NLRP4: variants seen among roughly 807,000 people sequenced by gnomAD.
NLRP4 encodes NACHT, LRR and PYD domains-containing protein 4.
Under a neutral mutation model 84.7 loss-of-function variants are expected in NLRP4, and 44 were observed. The ratio of observed to expected loss-of-function variants is 0.52; its 90% confidence interval spans 0.41 to 0.67. The LOEUF is 0.67. Among genes scored for constraint, NLRP4 ranks in the 30% least tolerant of loss-of-function variants. The pLI is 0.00. For synonymous variants in NLRP4, 544 were observed against 476.4 expected (o/e 1.14, Z -1.85); for missense variants, 1,260 against 1,219.4 (o/e 1.03, Z -0.50).
intron 3 of NLRP4, 148 bp from the exon 4 acceptor site, chr19:55,861,238 C>G (rs749055437): frequency 3.1e-6 from 2 of 645,570 alleles, no homozygotes; most frequent in Admixed American, 6.0e-5. Context: ...CATAAGGTGA[C>G]TTACCTGAAG....
chr19:55,856,404 T>G (rs1984414727), intron 2 of NLRP4, among the ~76,000 whole-genome samples: 1 of 151,986 alleles, frequency 6.6e-6, no homozygotes, highest in South Asian at 2.1e-4. Context: ...CCCTTCCCCT[T>G]CCAGTGTCAT....
intron 2 of NLRP4, among the ~76,000 whole-genome samples, chr19:55,852,787 G>T (rs943739456): frequency 6.6e-6 from 1 of 152,072 alleles, no homozygotes; most frequent in African/African-American, 2.4e-5. Flanking sequence ...TGAAAATATT[G>T]TCCTTGTAGG....
chr19:55,867,916 G>A (rs1985025052), intron 6 of NLRP4, 40 bp downstream of exon 6: 1 of 1,591,652 alleles, frequency 6.3e-7, no homozygotes, highest in Non-Finnish European at 8.6e-7. Context: ...GAGGGCCATG[G>A]CGGCAGTTCA....
chr19:55,872,063 T>C (rs1460318026), intron 7 of NLRP4, among the ~76,000 whole-genome samples: 1 of 152,026 alleles, frequency 6.6e-6, no homozygotes, highest in Non-Finnish European at 1.5e-5. Flanking sequence ...CTAGCCAGGA[T>C]GGTCTCAATC....
rs1568658479 is a variant in NLRP4 at position 55,850,054 on chromosome 19, GCTGCGGTGGAATTTCCGAGA to G, written c.-65-1953_-65-1934del. ...CCGAGACTGCGGTGTGATTTCCGTAGCTGCGGTGGAATTTCCGAGACTGCGGTGTAATTTCCGTGGCTGCG... is the reference window on the plus strand; with the variant it reads ...CCGAGACTGCGGTGTGATTTCCGTAGCTGCGGTGTAATTTCCGTGGCTGCG... On this transcript the variant is annotated intron_variant, in intron 1 of 9. Transcript: ENST00000301295. 4.6e-4 allele frequency among the ~76,000 whole-genome samples: 50 copies of G among 107,744 alleles called. 1 individual carries two copies. Among genetic ancestry groups the G allele is most frequent in the Admixed American group, 7.2e-4 (9 of 12,464 alleles). The allele number at this position is 107,744 out of a possible 152,430, so 70.7% of individuals were successfully genotyped here. A position where few individuals can be genotyped will look rare whatever the true frequency, so the allele number is the denominator to read the frequency against.
At chr19:55,865,320 ACT>A (rs1227314838) in intron 5 of NLRP4, among the ~76,000 whole-genome samples, 4 of 151,882 alleles carry the variant, frequency 2.6e-5, no homozygotes. Context: ...ACATCATCTT[ACT>A]CTTTTTTATG....
intron 5 of NLRP4, among the ~76,000 whole-genome samples, chr19:55,867,135 G>A (rs767467184): frequency 1.3e-5 from 2 of 150,974 alleles, no homozygotes; most frequent in African/African-American, 4.9e-5. Flanking sequence ...GTGCATCTCA[G>A]GTTGGCTGTC....
intron 1 of NLRP4, among the ~76,000 whole-genome samples, chr19:55,838,443 C>G (rs1315246791): frequency 1.3e-5 from 2 of 151,916 alleles, no homozygotes; most frequent in Non-Finnish European, 2.9e-5. Flanking sequence ...GAAGGGCTCC[C>G]CTGGGTTTCA....
intron 1 of NLRP4, among the ~76,000 whole-genome samples, chr19:55,846,003 G>T (rs966300024): frequency 1.3e-5 from 2 of 152,098 alleles, no homozygotes; most frequent in African/African-American, 4.8e-5. Context: ...GGTTTCTTTT[G>T]CTGTGCAGAA....
At chr19:55,869,082 G>C (rs1391239096) in intron 6 of NLRP4, among the ~76,000 whole-genome samples, 1 of 152,128 alleles carries the variant, frequency 6.6e-6, no homozygotes, top group African/African-American at 2.4e-5. Flanking sequence ...GTGAGTCCTA[G>C]AATTGTCCCA....
In NLRP4 at chr19:55,851,734, A is replaced by G. The variant is rs561415757; in HGVS notation, c.-65-282A>G. On this transcript the variant is annotated intron_variant, in intron 1 of 9. Coordinates refer to ENST00000301295, the MANE Select transcript of NLRP4 (RefSeq NM_134444.5). ...TCCGAGGCTGCGGTGTAATTTCCGA[A>G]GCTGCGGTGTAATTTCCAAAAATGT... 2.0e-3 allele frequency among the ~76,000 whole-genome samples: 249 copies of G among 126,632 alleles called. 1 individual carries two copies. Among genetic ancestry groups the G allele is most frequent in the African/African-American group, 3.3e-3 (87 of 26,240 alleles). The allele number at this position is 126,632 out of a possible 152,430, so 83.1% of individuals were successfully genotyped here.
At chr19:55,876,387 C>T (rs562584786) in intron 7 of NLRP4, among the ~76,000 whole-genome samples, 7 of 152,286 alleles carry the variant, frequency 4.6e-5, no homozygotes, top group South Asian at 4.1e-4. Flanking sequence ...CTCACTTTGT[C>T]GCCCAGGCTG....
chr19:55,852,407 G>A (rs151306511), intron 2 of NLRP4, 47 bp downstream of exon 2: 2 of 1,365,642 alleles, frequency 1.5e-6, no homozygotes, highest in Non-Finnish European at 2.0e-6. Context: ...TGAGGACTAT[G>A]TCCTAATTTT....
At chr19:55,879,870 A>G (rs1985520237) in intron 9 of NLRP4, among the ~76,000 whole-genome samples, 1 of 151,968 alleles carries the variant, frequency 6.6e-6, no homozygotes, top group African/African-American at 2.4e-5. Flanking sequence ...TATTTTAAAT[A>G]TTTATGTGTA....
chr19:55,851,731 C>T (rs1365795276), intron 1 of NLRP4, among the ~76,000 whole-genome samples: 3 of 151,904 alleles, frequency 2.0e-5, no homozygotes, highest in South Asian at 2.1e-4. Context: ...GTGTAATTTC[C>T]GAAGCTGCGG....
chr19:55,870,631 C>T (rs977449159), intron 6 of NLRP4, among the ~76,000 whole-genome samples, 196 bp from the exon 7 acceptor site: 1 of 152,172 alleles, frequency 6.6e-6, no homozygotes, highest in Non-Finnish European at 1.5e-5. Context: ...CCGTTGCATT[C>T]CAGCCCGGGC....
intron 1 of NLRP4, among the ~76,000 whole-genome samples, chr19:55,844,321 T>TTGCCCAGGC (rs1267114828): frequency 6.6e-6 from 1 of 152,134 alleles, no homozygotes; most frequent in Non-Finnish European, 1.5e-5. Flanking sequence ...TCTCACTTTA[T>TTGCCCAGGC]TGCCCAGGCT....
At chr19:55,864,778 C>T (rs1984890238) in intron 5 of NLRP4, among the ~76,000 whole-genome samples, 1 of 151,944 alleles carries the variant, frequency 6.6e-6, no homozygotes, top group South Asian at 2.1e-4. Flanking sequence ...TTATACCCAT[C>T]CTAGTAGATG....
At chr19:55,866,765 A>G (rs11669335) in intron 5 of NLRP4, among the ~76,000 whole-genome samples, 20,655 of 152,202 alleles carry the variant, frequency 0.14, 1,705 homozygotes, top group Non-Finnish European at 0.19. Context: ...AGTTGAGTAA[A>G]GGAGCCACTA....
Sources: gnomAD v4.1 joint callset for allele counts (sites outside exome capture counted in the v4.1 genomes callset) on GRCh38, gnomAD v4.1.1 for gene constraint, MANE v1.5 for transcripts, NCBI Gene and HGNC (gene_info 2026-07-23, HGNC 2026-07-21) for gene names.